CTNNA2: variants seen among roughly 807,000 people sequenced by gnomAD.
The protein encoded by CTNNA2 is catenin alpha 2, also known as catenin alpha-2.
In CTNNA2, 42 loss-of-function variants were observed where a neutral mutation model predicts 101.0. The observed-to-expected ratio is 0.42, with a 90% CI of 0.32 to 0.54. The LOEUF is 0.54. Among genes scored for constraint, CTNNA2 ranks in the 20% least tolerant of loss-of-function variants. The pLI is 0.14. For missense variants in CTNNA2, 871 were observed against 1,223.1 expected, an observed-to-expected ratio of 0.71 and a Z score of 4.29; for synonymous variants, 450 against 456.4, an observed-to-expected ratio of 0.99 and a Z score of 0.18.
rs150277134 is a variant in CTNNA2 at position 80,260,151 on chromosome 2, G to A, written c.1057-133060G>A. Among the ~76,000 whole-genome samples, 326 of 152,226 alleles carry A rather than the reference G, an allele frequency of 2.1e-3. 3 individuals carry two copies. The highest frequency in any genetic ancestry group is 6.8e-3 in the Middle Eastern group (2 of 294). On this transcript the variant is annotated intron_variant, in intron 7 of 18. Transcript: ENST00000402739. Reference sequence around the variant, plus strand: ...ATTTTCCTAGTATCTCAATTATGTGGCAAATCCAGTATTGAAATCTTGACT... The same window carrying A: ...ATTTTCCTAGTATCTCAATTATGTGACAAATCCAGTATTGAAATCTTGACT...
intron 7 of CTNNA2, among the ~76,000 whole-genome samples, chr2:80,327,557 G>A (rs1233551114): frequency 1.2e-4 from 18 of 152,166 alleles, no homozygotes; most frequent in Non-Finnish European, 1.9e-4. Context: ...GTTGGCTTTA[G>A]TGAGTATGAG....
intron 7 of CTNNA2, among the ~76,000 whole-genome samples, chr2:79,980,460 A>C (rs575683544): frequency 2.0e-5 from 3 of 152,264 alleles, no homozygotes; most frequent in South Asian, 2.1e-4. Flanking sequence ...TCTAATTGCA[A>C]AAATTAGGCT....
At chr2:79,595,085 C>T (rs1432866317) in intron 1 of CTNNA2, among the ~76,000 whole-genome samples, 1 of 152,042 alleles carries the variant, frequency 6.6e-6, no homozygotes, top group Admixed American at 6.6e-5. Flanking sequence ...TCTCTTTAGT[C>T]CACTCGGACT....
At chr2:80,555,958 A>G in intron 12 of CTNNA2, 65 bp downstream of exon 12, 6 of 1,134,434 alleles carry the variant, frequency 5.3e-6, no homozygotes, top group Non-Finnish European at 7.2e-6. Context: ...AACTGAATAA[A>G]TCTGTTTCAT....
intron 4 of CTNNA2, among the ~76,000 whole-genome samples, chr2:79,467,949 G>A (rs533631865): frequency 1.3e-5 from 2 of 152,242 alleles, no homozygotes; most frequent in South Asian, 4.1e-4. Context: ...GACCATCAAT[G>A]CTAAGAAGAA....
chr2:79,798,386 C>T (rs201184441), intron 3 of CTNNA2, among the ~76,000 whole-genome samples: 2 of 152,102 alleles, frequency 1.3e-5, no homozygotes, highest in Non-Finnish European at 2.9e-5. Context: ...CATGGATCTC[C>T]AAAATTTATC....
Position 80,647,575 on chromosome 2 carries a change from C to T in CTNNA2, c.2575-10C>T, listed in dbSNP as rs1558678255. ...TAACCCACATGTATCTCATTCTTTT[C>T]CTACTCTAGCTGGACAGTGCCACAT... On this transcript the variant is annotated splice_polypyrimidine_tract_variant and intron_variant, in intron 18 of 18. Coordinates refer to ENST00000402739, the MANE Select transcript of CTNNA2 (RefSeq NM_001282597.3). 1 of 1,588,758 alleles carries T rather than the reference C, an allele frequency of 6.3e-7. No homozygotes were observed. The highest frequency in any genetic ancestry group is 1.7e-5 in the Admixed American group (1 of 57,446).
intron 7 of CTNNA2, among the ~76,000 whole-genome samples, chr2:80,295,244 G>A (rs1675640492): frequency 6.6e-6 from 1 of 150,504 alleles, no homozygotes; most frequent in Non-Finnish European, 1.5e-5. Flanking sequence ...TTTTTTGTGG[G>A]TAGGGGGCTA....
intron 7 of CTNNA2, among the ~76,000 whole-genome samples, chr2:80,138,725 C>G (rs1283533105): frequency 2.6e-5 from 4 of 152,070 alleles, no homozygotes; most frequent in African/African-American, 7.2e-5. Flanking sequence ...CTTGATTTTT[C>G]TCATCTGTAA....
intron 9 of CTNNA2, among the ~76,000 whole-genome samples, chr2:80,483,063 G>T (rs988172236): frequency 4.6e-5 from 7 of 152,076 alleles, no homozygotes; most frequent in African/African-American, 1.7e-4. Flanking sequence ...GCTCACTGAG[G>T]CTGAGGACCA....
At chr2:79,794,925 A>G (rs1675580900) in intron 3 of CTNNA2, among the ~76,000 whole-genome samples, 1 of 152,354 alleles carries the variant, frequency 6.6e-6, no homozygotes, top group Non-Finnish European at 1.5e-5. Context: ...ATACCGGAAC[A>G]GGATAGGCAC....
intron 3 of CTNNA2, among the ~76,000 whole-genome samples, chr2:79,352,806 G>T (rs921553831): frequency 1.4e-4 from 21 of 152,100 alleles, no homozygotes; most frequent in African/African-American, 5.1e-4. Context: ...TCTGAGACTG[G>T]GTAACTTATA....
intron 3 of CTNNA2, among the ~76,000 whole-genome samples, chr2:79,766,224 C>A (rs144327480): frequency 6.6e-6 from 1 of 152,156 alleles, no homozygotes; most frequent in Non-Finnish European, 1.5e-5. Flanking sequence ...GGTGTTAATG[C>A]GGTCCGTGAG....
intron 7 of CTNNA2, among the ~76,000 whole-genome samples, chr2:80,164,027 T>C (rs1704505161): frequency 6.6e-6 from 1 of 151,700 alleles, no homozygotes; most frequent in South Asian, 2.1e-4. Context: ...TTATTACTTC[T>C]ACTTCCTATA....
intron 7 of CTNNA2, among the ~76,000 whole-genome samples, chr2:79,997,366 A>G (rs1199646883): frequency 6.6e-6 from 1 of 151,164 alleles, no homozygotes; most frequent in Non-Finnish European, 1.5e-5. Flanking sequence ...GAAAAGAAAA[A>G]AGAAAAGAAG....
At chr2:79,358,205 T>TA (rs1491190517) in intron 3 of CTNNA2, among the ~76,000 whole-genome samples, 2 of 143,000 alleles carry the variant, frequency 1.4e-5, no homozygotes, top group African/African-American at 2.5e-5. Context: ...CTTTTTCTTC[T>TA]TTTTTTTTTT....
chr2:79,359,066 AT>A (rs1205781613), intron 3 of CTNNA2, among the ~76,000 whole-genome samples: 1 of 152,194 alleles, frequency 6.6e-6, no homozygotes, highest in Non-Finnish European at 1.5e-5. Flanking sequence ...CTGATCACTT[AT>A]ATTCCTGAAT....
intron 9 of CTNNA2, among the ~76,000 whole-genome samples, chr2:80,482,192 C>T (rs760970418): frequency 7.2e-5 from 11 of 152,026 alleles, no homozygotes; most frequent in Non-Finnish European, 1.3e-4. Flanking sequence ...CTCCTCCTCC[C>T]AAAAGTCTGT....
chr2:79,620,987 C>G (rs962325533), intron 1 of CTNNA2, among the ~76,000 whole-genome samples: 1 of 152,164 alleles, frequency 6.6e-6, no homozygotes, highest in African/African-American at 2.4e-5. Flanking sequence ...AGGAGTATAT[C>G]TGGAAAGCCC....
Sources: gnomAD v4.1 joint callset for allele counts (sites outside exome capture counted in the v4.1 genomes callset) on GRCh38, gnomAD v4.1.1 for gene constraint, MANE v1.5 for transcripts, NCBI Gene and HGNC (gene_info 2026-07-23, HGNC 2026-07-21) for gene names.